The following UPB1 variants were observed in gnomAD, a reference collection of about 807,000 sequenced individuals.
The protein encoded by UPB1 is beta-ureidopropionase.
Under a neutral mutation model 49.1 loss-of-function variants are expected in UPB1, and 40 were observed. That is an observed-to-expected ratio of 0.81 (90% CI 0.63 to 1.06). UPB1 has a LOEUF of 1.06. Ranked by LOEUF, UPB1 falls within the 50% of genes least tolerant of loss-of-function variation. The pLI, the probability that UPB1 is intolerant of heterozygous loss-of-function variation, is 0.00. For missense variants in UPB1, 499 were observed against 505.9 expected, an observed-to-expected ratio of 0.99 and a Z score of 0.13; for synonymous variants, 207 against 198.2, an observed-to-expected ratio of 1.04 and a Z score of -0.38.
At chr22:24,504,693 T>A (rs1231603145) in intron 3 of UPB1, among the ~76,000 whole-genome samples, 1 of 151,330 alleles carries the variant, frequency 6.6e-6, no homozygotes, top group Admixed American at 6.6e-5. Flanking sequence ...AACCCTGGAC[T>A]AGTTCCCTAA....
chr22:24,502,173 A>G lies in UPB1; in HGVS notation c.324A>G (p.Ala108=). The G allele has an allele frequency of 1.2e-6, 2 of 1,614,168 alleles. No individual in the cohort carries two copies. The highest frequency in any genetic ancestry group is 1.3e-5 in the African/African-American group (1 of 75,028). ...TAAAGGCTATCGTAGAGGTGGCTGC[A>G]ATGTGTGGAGTCAACATCATCTGTT... is the stretch of plus-strand genomic sequence containing the variant. ...RRIKAIVEVA[A]MCGVNIICFQ... is the part of the protein sequence containing the mutation. The change falls in exon 3 of 10, where the codon GCA becomes GCG. Residue 108 remains alanine, a synonymous_variant. Transcript: ENST00000326010.
intron 5 of UPB1, among the ~76,000 whole-genome samples, chr22:24,514,434 TG>T (rs2147028158): frequency 6.6e-6 from 1 of 152,320 alleles, no homozygotes; most frequent in Admixed American, 6.5e-5. Context: ...GTTCACCACG[TG>T]CACACATCCT....
intron 4 of UPB1, among the ~76,000 whole-genome samples, 168 bp downstream of exon 4, chr22:24,511,011 A>G (rs1332415715): frequency 6.6e-6 from 1 of 151,316 alleles, no homozygotes; most frequent in Non-Finnish European, 1.5e-5. Flanking sequence ...TTTTTAGCGT[A>G]CTCTTAGAAT....
chr22:24,510,598 G>A (rs2147020628), intron 3 of UPB1, 151 bp from the exon 4 acceptor site: 1 of 801,250 alleles, frequency 1.2e-6, no homozygotes, highest in Non-Finnish European at 2.1e-6. Flanking sequence ...AGAGGTAAGG[G>A]CTGCCCACAG....
rs575698701 is a variant in UPB1, at chr22:24,520,568, G to A, written c.873+100G>A. The A allele has an allele frequency of 1.7e-4, 233 of 1,353,206 alleles. No individual in the cohort carries two copies. In the East Asian group the frequency reaches 3.3e-3, roughly 19 times the overall value. 83.8% of individuals were successfully genotyped at this position (1,353,206 alleles called of 1,614,324 possible). A position where few individuals can be genotyped will look rare whatever the true frequency, so the allele number is the denominator to read the frequency against. ...ACACATGCCACAAATCCTAGGGTCC[G>A]GAAAGGGGTAAAACTGGCTTGGTCC... On this transcript the variant is annotated intron_variant, in intron 7 of 9. Coordinates refer to ENST00000326010, the MANE Select transcript of UPB1 (RefSeq NM_016327.3).
At chr22:24,505,860 G>A (rs781462764) in intron 3 of UPB1, among the ~76,000 whole-genome samples, 35 of 151,108 alleles carry the variant, frequency 2.3e-4, no homozygotes, top group African/African-American at 7.3e-4. Flanking sequence ...CTACAGGCCC[G>A]TGCCACCATG....
chr22:24,498,541 G>T (rs890059091), intron 1 of UPB1, among the ~76,000 whole-genome samples: 5 of 152,120 alleles, frequency 3.3e-5, no homozygotes, highest in African/African-American at 1.2e-4. Context: ...GGGTGGAGCG[G>T]CCTCTCCTGT....
chr22:24,501,565 G>C (rs558924751), intron 2 of UPB1, among the ~76,000 whole-genome samples: 7 of 152,212 alleles, frequency 4.6e-5, no homozygotes, highest in Non-Finnish European at 7.3e-5. Flanking sequence ...CCCACAGAGG[G>C]GTGACATGTG....
intron 7 of UPB1, 142 bp downstream of exon 7, chr22:24,520,610 T>A: frequency 3.2e-6 from 3 of 924,072 alleles, no homozygotes; most frequent in Non-Finnish European, 5.0e-6. Flanking sequence ...TTTCAAGATA[T>A]CTCTGTCCTC....
At position 24,500,111 on chromosome 22, in the gene UPB1, C is replaced by T. The variant is rs1333288667; in HGVS notation, c.109C>T (p.Leu37Phe). The T allele has an allele frequency of 1.2e-6, 2 of 1,614,202 alleles. No homozygotes were observed. The highest frequency in any genetic ancestry group is 1.7e-5 in the Admixed American group (1 of 60,026). The change falls in exon 2 of 10, where the codon CTT becomes TTT. Residue 37 changes from leucine to phenylalanine, a missense_variant. Coordinates refer to ENST00000326010, the MANE Select transcript of UPB1 (RefSeq NM_016327.3). The stretch of plus-strand genomic sequence containing the variant: ...TCTTTTTTCCTGCCCATCTAGGAAG[C>T]TTGATCTGCCCAGGGAAGCTTTCGA... ...RVLYGKELRK[L>F]DLPREAFEAA...
At position 24,526,219 on chromosome 22, in the gene UPB1, G is replaced by A. The variant is rs564807509; in HGVS notation, c.*425G>A. The stretch of plus-strand genomic sequence containing the variant: ...GCCTACAGCAAGGCTGTGGTGGGTC[G>A]GATGGTCTTTGGATGTGTCAGCTTA... On this transcript the variant is annotated 3_prime_UTR_variant, in exon 10 of 10. Coordinates refer to ENST00000326010, the MANE Select transcript of UPB1 (RefSeq NM_016327.3). The A allele has an allele frequency of 2.3e-5, 7 of 298,336 alleles. No homozygotes were observed. The highest frequency in any genetic ancestry group is 9.5e-5 in the Admixed American group (2 of 21,134). The allele number at this position is 298,336 out of a possible 1,614,324, so 18.5% of individuals were successfully genotyped here. A position where few individuals can be genotyped will look rare whatever the true frequency, so the allele number is the denominator to read the frequency against.
At chr22:24,507,297 C>G (rs953548218) in intron 3 of UPB1, among the ~76,000 whole-genome samples, 32 of 152,140 alleles carry the variant, frequency 2.1e-4, no homozygotes, top group African/African-American at 7.7e-4. Context: ...GAAGGCGAGC[C>G]TGGGGAGCCT....
intron 2 of UPB1, 32 bp downstream of exon 2, chr22:24,500,310 A>G (rs1213244344): frequency 2.5e-6 from 4 of 1,612,482 alleles, no homozygotes; most frequent in Non-Finnish European, 2.5e-6. Context: ...ATAAATACAC[A>G]AACAGGGTTG....
At chr22:24,515,088 C>T in intron 5 of UPB1, 113 bp from the exon 6 acceptor site, 1 of 1,338,078 alleles carries the variant, frequency 7.5e-7, no homozygotes, top group Non-Finnish European at 1.1e-6. Flanking sequence ...AACTTAGAGT[C>T]ACACTCAGGA....
intron 6 of UPB1, chr22:24,519,852 T>G: frequency 4.5e-6 from 1 of 221,838 alleles, no homozygotes; most frequent in Non-Finnish European, 9.2e-6. Context: ...TGCTCAGCCC[T>G]CACAGGCCCT....
chr22:24,511,301 G>T (rs1418628630), intron 4 of UPB1, among the ~76,000 whole-genome samples: 1 of 152,148 alleles, frequency 6.6e-6, no homozygotes, highest in Non-Finnish European at 1.5e-5. Flanking sequence ...CATATTGTAT[G>T]ATCCCATTTA....
chr22:24,507,041 C>G (rs2044103960), intron 3 of UPB1, among the ~76,000 whole-genome samples: 1 of 152,206 alleles, frequency 6.6e-6, no homozygotes, highest in South Asian at 2.1e-4. Context: ...CTCGTCCCCT[C>G]TAGTTGAAGA....
intron 3 of UPB1, among the ~76,000 whole-genome samples, chr22:24,507,625 A>C (rs912032561): frequency 6.6e-6 from 1 of 152,206 alleles, no homozygotes; most frequent in African/African-American, 2.4e-5. Flanking sequence ...TCCTGTAATA[A>C]GAAGCAACTC....
At chr22:24,511,904 C>T (rs1291475353) in intron 4 of UPB1, among the ~76,000 whole-genome samples, 8 of 152,208 alleles carry the variant, frequency 5.3e-5, no homozygotes, top group South Asian at 2.1e-4. Context: ...CGTGAGCCAC[C>T]GCACCTGGCC....
Sources: gnomAD v4.1 joint callset for allele counts (sites outside exome capture counted in the v4.1 genomes callset) on GRCh38, gnomAD v4.1.1 for gene constraint, MANE v1.5 for transcripts, NCBI Gene and HGNC (gene_info 2026-07-23, HGNC 2026-07-21) for gene names.